RHEX: variants seen among roughly 807,000 people sequenced by gnomAD.
RHEX encodes the protein regulator of hemoglobinization and erythroid cell expansion.
Under a neutral mutation model 20.1 loss-of-function variants are expected in RHEX, and 18 were observed. The ratio of observed to expected loss-of-function variants is 0.90; its 90% CI spans 0.62 to 1.33. The LOEUF (loss-of-function observed/expected upper bound fraction) is 1.33, where lower values mean the gene tolerates loss of function less well. RHEX is among the 40% of genes most tolerant of loss of function. RHEX has a pLI of 0.00. For missense variants in RHEX, 192 were observed against 214.3 expected (o/e 0.90, Z 0.65); for synonymous variants, 87 against 77.1 (o/e 1.13, Z -0.67).
intron 1 of RHEX, among the ~76,000 whole-genome samples, chr1:206,064,314 A>C (rs548766697): frequency 3.0e-5 from 2 of 66,368 alleles, no homozygotes; most frequent in South Asian, 1.1e-3. Flanking sequence ...GGTGAGGGGA[A>C]CCTCTGCCCG....
intron 1 of RHEX, among the ~76,000 whole-genome samples, chr1:206,060,118 G>T (rs1553283162): frequency 1.3e-5 from 2 of 152,144 alleles, no homozygotes. Context: ...AGAGATGGAG[G>T]TTTATGTCCA....
chr1:206,097,886 C>A, intron 2 of RHEX, 47 bp downstream of exon 2: 1 of 1,381,874 alleles, frequency 7.2e-7, no homozygotes, highest in Non-Finnish European at 1.0e-6. Context: ...ACCAAGCTAA[C>A]TGGTGTAGCT....
chr1:206,057,197 C>T (rs1163454175), intron 1 of RHEX, among the ~76,000 whole-genome samples: 1 of 152,218 alleles, frequency 6.6e-6, no homozygotes, highest in Non-Finnish European at 1.5e-5. Flanking sequence ...TGCAATTAGC[C>T]AAACATGTAG....
chr1:206,085,300 G>A (rs554956562), intron 1 of RHEX, among the ~76,000 whole-genome samples: 6 of 152,248 alleles, frequency 3.9e-5, no homozygotes, highest in East Asian at 1.9e-4. Context: ...TATGAATTGC[G>A]GAGTGTAATA....
intron 1 of RHEX, among the ~76,000 whole-genome samples, chr1:206,086,044 T>C (rs781904614): frequency 2.0e-5 from 3 of 152,120 alleles, no homozygotes; most frequent in Non-Finnish European, 2.9e-5. Context: ...CCCCATGATA[T>C]TTGGCACACT....
chr1:206,100,557 C>T (rs1241400572), intron 4 of RHEX, among the ~76,000 whole-genome samples: 1 of 152,172 alleles, frequency 6.6e-6, no homozygotes. Flanking sequence ...AGGCACTGGC[C>T]TTACCCTAAC....
chr1:206,090,923 T>C (rs1264332684), intron 1 of RHEX, among the ~76,000 whole-genome samples: 1 of 152,206 alleles, frequency 6.6e-6, no homozygotes, highest in African/African-American at 2.4e-5. Context: ...TCTCATTAAT[T>C]CCTCTAGTTT....
In RHEX at chr1:206,053,830, GC is replaced by G. The variant is rs1179736366; in HGVS notation, c.-97+567del. ...AGCTGCTTTTATACCCCCTTGCCCC[GC>G]CAACGTAGTTAAGAGAACAGCAGCA... On this transcript the variant is annotated intron_variant, in intron 1 of 5. Coordinates refer to ENST00000331555, the MANE Select transcript of RHEX (RefSeq NM_001007544.4). Among the ~76,000 whole-genome samples the G allele has an allele frequency of 2.6e-5, 4 of 152,266 alleles. 1 individual carries two copies. Among genetic ancestry groups the G allele is most frequent in the African/African-American group, 9.6e-5 (4 of 41,502 alleles).
At chr1:206,086,383 A>C (rs1662840717) in intron 1 of RHEX, among the ~76,000 whole-genome samples, 1 of 151,822 alleles carries the variant, frequency 6.6e-6, no homozygotes. Context: ...GGGTCTCACT[A>C]TGTTGTCCAG....
chr1:206,081,513 A>G (rs1406035262), intron 1 of RHEX, among the ~76,000 whole-genome samples: 3 of 152,226 alleles, frequency 2.0e-5, no homozygotes, highest in South Asian at 2.1e-4. Flanking sequence ...AGTTCAAGTC[A>G]AGTGGATTTT....
chr1:206,071,082 A>C (rs1266753098), intron 1 of RHEX, among the ~76,000 whole-genome samples: 2 of 152,192 alleles, frequency 1.3e-5, no homozygotes, highest in Admixed American at 1.3e-4. Flanking sequence ...AGGAACAAGG[A>C]AGCCAGCCGG....
intron 1 of RHEX, among the ~76,000 whole-genome samples, chr1:206,071,648 A>T (rs1322743210): frequency 1.3e-5 from 2 of 151,570 alleles, no homozygotes; most frequent in South Asian, 4.2e-4. Context: ...GGAGTTCAAG[A>T]CCAGTCTGGG....
rs371411526 is a variant in RHEX, at chr1:206,098,086, T to C, written c.17T>C (p.Met6Thr). The change falls in exon 3 of 6, where the codon ATG becomes ACG. Residue 6 changes from methionine (M) to threonine (T), a missense_variant. By Grantham distance (81) the Met-to-Thr change is moderately conservative. Transcript: ENST00000331555. ...CCCTTTTTCTTTCCCAACAGAGTCATGGAGGTCTGGCATGGCTTAGTGATC... is the reference window on the plus strand; with the variant it reads ...CCCTTTTTCTTTCCCAACAGAGTCACGGAGGTCTGGCATGGCTTAGTGATC... MLTEV[M>T]EVWHGLVIAV... is the part of the protein sequence containing the mutation. The C allele has an allele frequency of 1.1e-5, 17 of 1,613,366 alleles. No homozygotes were observed. In the South Asian group the frequency reaches 1.4e-4, roughly 14 times the overall value.
chr1:206,082,388 C>T (rs1553286021), intron 1 of RHEX, among the ~76,000 whole-genome samples: 5 of 151,850 alleles, frequency 3.3e-5, no homozygotes. Flanking sequence ...TGTGGTGGCA[C>T]TCACCTGTAA....
At chr1:206,078,388 T>A (rs981618006) in intron 1 of RHEX, among the ~76,000 whole-genome samples, 8 of 151,978 alleles carry the variant, frequency 5.3e-5, no homozygotes, top group East Asian at 1.9e-4. Flanking sequence ...AAACATTTTT[T>A]AAAATGTTTT....
chr1:206,091,430 C>T (rs994649149), intron 1 of RHEX, among the ~76,000 whole-genome samples: 15 of 152,164 alleles, frequency 9.9e-5, no homozygotes, highest in African/African-American at 3.6e-4. Context: ...ATCAATACTG[C>T]ACTGACTTAC....
At position 206,097,796 on chromosome 1, in the gene RHEX, C is replaced by A; in HGVS notation, c.-33C>A. ...GGTGCCAGGGTGGTTCCTGAAAGTGCCTGAGCCCCAACTTATCAGCAAGGA... is the reference window on the plus strand; with the variant it reads ...GGTGCCAGGGTGGTTCCTGAAAGTGACTGAGCCCCAACTTATCAGCAAGGA... On this transcript the variant is annotated 5_prime_UTR_variant, in exon 2 of 6. Transcript: ENST00000331555. The A allele has an allele frequency of 6.2e-7, 1 of 1,614,020 alleles. No individual in the cohort carries two copies. The highest frequency in any genetic ancestry group is 8.5e-7 in the Non-Finnish European group (1 of 1,179,872).
chr1:206,098,418 G>A (rs1220948140), intron 3 of RHEX: 12 of 509,982 alleles, frequency 2.4e-5, no homozygotes, highest in African/African-American at 7.7e-5. Flanking sequence ...ATCCACATCC[G>A]TCTACTACCC....
At chr1:206,087,909 C>A (rs1558177471) in intron 1 of RHEX, among the ~76,000 whole-genome samples, 1 of 152,150 alleles carries the variant, frequency 6.6e-6, no homozygotes, top group African/African-American at 2.4e-5. Flanking sequence ...AGCCATTCCA[C>A]AATGTATACT....
Sources: allele counts gnomAD v4.1 joint callset (sites outside exome capture counted in the v4.1 genomes callset), GRCh38; gene constraint gnomAD v4.1.1; transcripts MANE v1.5; gene names NCBI Gene and HGNC (gene_info 2026-07-23, HGNC 2026-07-21).